The following CDC42BPB variants were observed in gnomAD, a reference collection of about 807,000 sequenced individuals.
The protein encoded by CDC42BPB is CDC42 binding protein kinase beta.
Under a neutral mutation model 214.9 loss-of-function variants are expected in CDC42BPB, and 37 were observed. The observed-to-expected ratio is 0.17, with a 90% CI of 0.13 to 0.23. The LOEUF (loss-of-function observed/expected upper bound fraction) is 0.23. Among genes scored for constraint, CDC42BPB ranks in the 10% least tolerant of loss-of-function variants. The probability of loss-of-function intolerance (pLI) is 1.00; values close to 1 mark genes in which losing one functional copy is unlikely to be tolerated. For synonymous variants in CDC42BPB, 931 were observed against 884.0 expected (o/e 1.05, Z -0.94); for missense variants, 1,694 against 2,227.0 (o/e 0.76, Z 4.82).
chr14:102,950,137 G>A (rs1355145818), intron 25 of CDC42BPB: 1 of 979,130 alleles, frequency 1.0e-6, no homozygotes, highest in Non-Finnish European at 1.2e-6. Flanking sequence ...ACCCCATGCA[G>A]GGTGCTGTGG....
intron 1 of CDC42BPB, among the ~76,000 whole-genome samples, chr14:103,019,553 GCTGC>G (rs1220048752): frequency 6.6e-6 from 1 of 152,212 alleles, no homozygotes. Context: ...CTTCAGCACA[GCTGC>G]CTGTGTCTAT....
At chr14:103,054,306 A>T (rs184944294) in intron 1 of CDC42BPB, among the ~76,000 whole-genome samples, 4 of 152,320 alleles carry the variant, frequency 2.6e-5, no homozygotes, top group African/African-American at 9.6e-5. Context: ...TTGTCATTAG[A>T]TACCTGGCAA....
rs543825245 is a variant in CDC42BPB, at chr14:102,986,858, C to T, written c.597-278G>A. 3.5e-4 allele frequency: 116 copies of T among 327,820 alleles called. 1 individual carries two copies. In the South Asian group the frequency reaches 8.0e-3, roughly 23 times the overall value. 20.3% of individuals were successfully genotyped at this position (327,820 alleles called of 1,614,324 possible). A position where few individuals can be genotyped will look rare whatever the true frequency, so the allele number is the denominator to read the frequency against. On this transcript the variant is annotated intron_variant, in intron 5 of 36. Transcript: ENST00000361246. ...GCTAACGAGCCCCTCCTGAGCATCTCCTTGGTGCCAGGCACTGCTCTCCAG... is the reference window on the plus strand; with the variant it reads ...GCTAACGAGCCCCTCCTGAGCATCTTCTTGGTGCCAGGCACTGCTCTCCAG...
chr14:103,013,545 G>A lies in CDC42BPB; in HGVS notation c.176-1357C>T, dbSNP rs534977663. On this transcript the variant is annotated intron_variant, in intron 1 of 36. Coordinates refer to ENST00000361246, the MANE Select transcript of CDC42BPB (RefSeq NM_006035.4). ...TCATTTGGAAACGGTCCTTACAGACGTAACCAAGTGAAAATAATGGCACCT... is the reference window on the plus strand; with the variant it reads ...TCATTTGGAAACGGTCCTTACAGACATAACCAAGTGAAAATAATGGCACCT... Among the ~76,000 whole-genome samples, 66 of 152,336 alleles carry A rather than the reference G, an allele frequency of 4.3e-4. 1 individual carries two copies. The highest frequency in any genetic ancestry group is 7.9e-4 in the Non-Finnish European group (54 of 68,036).
At chr14:103,048,429 C>T (rs902887869) in intron 1 of CDC42BPB, among the ~76,000 whole-genome samples, 4 of 148,634 alleles carry the variant, frequency 2.7e-5, no homozygotes, top group Non-Finnish European at 5.9e-5. Flanking sequence ...TAGCTCACGC[C>T]TATAATCCCA....
chr14:102,966,426 G>A (rs774386971), intron 17 of CDC42BPB, 39 bp from the exon 18 acceptor site: 5 of 1,606,556 alleles, frequency 3.1e-6, no homozygotes, highest in Non-Finnish European at 4.3e-6. Flanking sequence ...ACGAAGCATG[G>A]CTATCAGGGA....
intron 5 of CDC42BPB, among the ~76,000 whole-genome samples, chr14:102,992,629 A>G (rs1286128877): frequency 6.6e-6 from 1 of 152,170 alleles, no homozygotes; most frequent in Non-Finnish European, 1.5e-5. Context: ...CAACTGTTTC[A>G]GCACATCAGA....
At chr14:102,945,008 A>C (rs1035724137) in intron 29 of CDC42BPB, among the ~76,000 whole-genome samples, 1 of 152,024 alleles carries the variant, frequency 6.6e-6, no homozygotes, top group Non-Finnish European at 1.5e-5. Flanking sequence ...CCCAGTGAAG[A>C]CGCCGCCCTC....
At chr14:102,987,459 C>A (rs1414794100) in intron 5 of CDC42BPB, among the ~76,000 whole-genome samples, 1 of 152,174 alleles carries the variant, frequency 6.6e-6, no homozygotes, top group Non-Finnish European at 1.5e-5. Context: ...CCCAGCGGCA[C>A]CACTTCTAAC....
intron 27 of CDC42BPB, chr14:102,946,893 G>C (rs928789925): frequency 5.1e-6 from 5 of 984,768 alleles, no homozygotes; most frequent in Admixed American, 1.2e-4. Context: ...ACAGCCCCGT[G>C]AGATCGCTTC....
chr14:103,002,940 G>C (rs1033778128), intron 4 of CDC42BPB, among the ~76,000 whole-genome samples: 1 of 152,110 alleles, frequency 6.6e-6, no homozygotes, highest in African/African-American at 2.4e-5. Flanking sequence ...GGCTTTCTCT[G>C]ATGCTTCAAG....
chr14:102,982,787 G>A (rs2139523462), intron 7 of CDC42BPB, among the ~76,000 whole-genome samples: 1 of 151,980 alleles, frequency 6.6e-6, no homozygotes, highest in Non-Finnish European at 1.5e-5. Flanking sequence ...AGACAGGCAG[G>A]AGAATCGCTT....
chr14:102,986,156 C>A (rs543124062), intron 6 of CDC42BPB: 5 of 276,102 alleles, frequency 1.8e-5, no homozygotes, highest in African/African-American at 1.1e-4. Context: ...CTGGACAGGG[C>A]CCTTTAAGGA....
intron 21 of CDC42BPB, among the ~76,000 whole-genome samples, chr14:102,958,678 G>A (rs1381399666): frequency 2.6e-5 from 4 of 152,038 alleles, no homozygotes; most frequent in South Asian, 2.1e-4. Flanking sequence ...GATGACCAGC[G>A]GCTCCGACTG....
At chr14:103,016,477 G>A (rs895930355) in intron 1 of CDC42BPB, among the ~76,000 whole-genome samples, 1 of 147,370 alleles carries the variant, frequency 6.8e-6, no homozygotes, top group Non-Finnish European at 1.5e-5. Flanking sequence ...GGTGAAGCAG[G>A]TGAGGGGAGG....
At chr14:103,056,508 C>G (rs1370969144) in intron 1 of CDC42BPB, among the ~76,000 whole-genome samples, 1 of 148,534 alleles carries the variant, frequency 6.7e-6, no homozygotes, top group African/African-American at 2.5e-5. Context: ...CGCAGAGAAG[C>G]GTGGGGTGGG....
intron 24 of CDC42BPB, 101 bp from the exon 25 acceptor site, chr14:102,950,703 C>T (rs1249269501): frequency 1.4e-5 from 20 of 1,383,520 alleles, no homozygotes; most frequent in South Asian, 1.7e-5. Flanking sequence ...CACCAGGTCT[C>T]GCCTGGAATC....
chr14:102,982,451 G>T (rs956122052), intron 7 of CDC42BPB, among the ~76,000 whole-genome samples: 2 of 152,142 alleles, frequency 1.3e-5, no homozygotes, highest in Non-Finnish European at 2.9e-5. Flanking sequence ...CACGCTGGTA[G>T]AGAGGGTGAA....
intron 7 of CDC42BPB, among the ~76,000 whole-genome samples, chr14:102,982,438 G>A (rs1357667069): frequency 6.6e-6 from 1 of 152,152 alleles, no homozygotes; most frequent in Non-Finnish European, 1.5e-5. Flanking sequence ...GAAATGCTAT[G>A]AGCACGCTGG....
Sources: gnomAD v4.1 joint callset for allele counts (sites outside exome capture counted in the v4.1 genomes callset) on GRCh38, gnomAD v4.1.1 for gene constraint, MANE v1.5 for transcripts, NCBI Gene and HGNC (gene_info 2026-07-23, HGNC 2026-07-21) for gene names.